The following IL1RAP variants were observed in gnomAD, a reference collection of about 807,000 sequenced individuals.
IL1RAP encodes the protein interleukin-1 receptor accessory protein.
In IL1RAP, 35 loss-of-function variants were observed where a neutral mutation model predicts 60.7. The observed-to-expected ratio is 0.58, with a 90% CI of 0.44 to 0.76. IL1RAP has a LOEUF of 0.76. Ranked by LOEUF, IL1RAP falls within the 30% of genes least tolerant of loss-of-function variation. The probability of loss-of-function intolerance (pLI) is 0.00; values close to 1 mark genes in which losing one functional copy is unlikely to be tolerated. For missense variants in IL1RAP, 572 were observed against 693.9 expected (o/e 0.82, Z 1.97); for synonymous variants, 268 against 250.9 (o/e 1.07, Z -0.64).
intron 1 of IL1RAP, among the ~76,000 whole-genome samples, chr3:190,538,201 G>A (rs180823748): frequency 1.3e-5 from 2 of 152,222 alleles, no homozygotes; most frequent in East Asian, 3.9e-4. Flanking sequence ...GCCTTACACT[G>A]TTGCTTCTCA....
intron 2 of IL1RAP, among the ~76,000 whole-genome samples, chr3:190,557,339 C>T (rs1221306441): frequency 2.0e-5 from 3 of 152,156 alleles, no homozygotes; most frequent in Non-Finnish European, 4.4e-5. Flanking sequence ...GAGCATGTTG[C>T]TATTCAAAAT....
intron 1 of IL1RAP, among the ~76,000 whole-genome samples, chr3:190,527,411 T>C (rs1389351776): frequency 1.3e-5 from 2 of 152,234 alleles, no homozygotes; most frequent in Non-Finnish European, 1.5e-5. Flanking sequence ...GCTGTGGTGA[T>C]AAAATCAAAT....
chr3:190,591,211 C>T (rs1037529573), intron 3 of IL1RAP, among the ~76,000 whole-genome samples: 4 of 152,204 alleles, frequency 2.6e-5, no homozygotes, highest in Non-Finnish European at 5.9e-5. Context: ...GACCAGCTCT[C>T]CGCTAAACAC....
At chr3:190,529,125 A>T (rs1345426291) in intron 1 of IL1RAP, among the ~76,000 whole-genome samples, 1 of 152,176 alleles carries the variant, frequency 6.6e-6, no homozygotes, top group Non-Finnish European at 1.5e-5. Flanking sequence ...GGAGCCCCTG[A>T]GTCTCTAGTT....
chr3:190,567,328 G>A (rs926497041), intron 3 of IL1RAP, among the ~76,000 whole-genome samples: 5 of 152,024 alleles, frequency 3.3e-5, no homozygotes, highest in African/African-American at 4.8e-5. Context: ...TTATAATAGC[G>A]ATTCTATAAT....
At chr3:190,655,775 T>C, downstream of IL1RAP, 1 of 758,630 alleles carries the variant, frequency 1.3e-6, no homozygotes. Context: ...AGCACTGAGA[T>C]TCTGTCATCT....
intron 5 of IL1RAP, among the ~76,000 whole-genome samples, chr3:190,610,552 G>T (rs975308828): frequency 6.6e-6 from 1 of 151,884 alleles, no homozygotes; most frequent in Non-Finnish European, 1.5e-5. Context: ...AATTAGAATG[G>T]CTGTAAGAAT....
At chr3:190,567,162 A>G (rs528009600) in intron 3 of IL1RAP, among the ~76,000 whole-genome samples, 1 of 152,186 alleles carries the variant, frequency 6.6e-6, no homozygotes, top group Non-Finnish European at 1.5e-5. Flanking sequence ...AAGTCATACG[A>G]TTCTGACTTC....
Position 190,651,417 on chromosome 3 carries a change from CT to C in IL1RAP, c.*2718del. 2 of 673,840 alleles carry C rather than the reference CT, an allele frequency of 3.0e-6. No homozygotes were observed. Among genetic ancestry groups the C allele is most frequent in the Non-Finnish European group, 1.8e-6 (1 of 545,958 alleles). 41.7% of individuals were successfully genotyped at this position (673,840 alleles called of 1,614,324 possible). ...ATAGGTTTTAATATTTTGAGAGTGTCTTTTTTATTTCATTCATGAACTTTTG... is the reference window on the plus strand; with the variant it reads ...ATAGGTTTTAATATTTTGAGAGTGTCTTTTTATTTCATTCATGAACTTTTG... On this transcript the variant is annotated 3_prime_UTR_variant, in exon 12 of 12. Transcript: ENST00000447382.
intron 2 of IL1RAP, chr3:190,563,993 G>A (rs542067679): frequency 3.8e-5 from 12 of 311,788 alleles, no homozygotes; most frequent in Non-Finnish European, 6.1e-5. Context: ...CCAAAGGATC[G>A]TGGTGATGTT....
chr3:190,553,944 C>T (rs1463787418), intron 1 of IL1RAP, among the ~76,000 whole-genome samples: 1 of 150,532 alleles, frequency 6.6e-6, no homozygotes, highest in African/African-American at 2.4e-5. Flanking sequence ...GCCTGTAGTC[C>T]CAGCTACTCG....
intron 5 of IL1RAP, among the ~76,000 whole-genome samples, chr3:190,614,896 C>T (rs4140710): frequency 0.68 from 103,766 of 151,922 alleles, 35,952 homozygotes; most frequent in East Asian, 0.83. Flanking sequence ...TGGACTGGAC[C>T]GTGGGACGTA....
At chr3:190,516,566 T>C (rs1721538490) in intron 1 of IL1RAP, among the ~76,000 whole-genome samples, 1 of 152,192 alleles carries the variant, frequency 6.6e-6, no homozygotes, top group Non-Finnish European at 1.5e-5. Flanking sequence ...TTACTCACAA[T>C]AGCCCTGGGA....
intron 10 of IL1RAP, 47 bp from the exon 11 acceptor site, chr3:190,645,651 AT>A: frequency 1.4e-6 from 2 of 1,445,850 alleles, no homozygotes; most frequent in Non-Finnish European, 9.6e-7. Context: ...ATGTAATGGT[AT>A]TGAGAAACTT....
Position 190,650,295 on chromosome 3 carries a change from GC to G in IL1RAP, c.*1591del, listed in dbSNP as rs1734318443. The G allele has an allele frequency of 4.1e-6, 4 of 985,014 alleles. No homozygotes were observed. In the South Asian group the frequency reaches 1.4e-4, roughly 35 times the overall value. The allele number at this position is 985,014 out of a possible 1,614,324, so 61.0% of individuals were successfully genotyped here. On this transcript the variant is annotated 3_prime_UTR_variant, in exon 12 of 12. Transcript: ENST00000447382. ...AGTTTATATAAATAACTTAAGTATT[GC>G]TACAGTTTATCTAGGTTGCAGTGGC...
At chr3:190,564,258 A>G (rs1470836586) in intron 2 of IL1RAP, 31 bp from the exon 3 acceptor site, 4 of 1,451,780 alleles carry the variant, frequency 2.8e-6, no homozygotes, top group Non-Finnish European at 3.9e-6. Context: ...GTAGTAAGTG[A>G]TTTCCCTTAC....
chr3:190,537,288 A>G (rs1723547244), intron 1 of IL1RAP, among the ~76,000 whole-genome samples: 1 of 152,070 alleles, frequency 6.6e-6, no homozygotes, highest in African/African-American at 2.4e-5. Context: ...AACCTGCTTG[A>G]GTTTCCTAGG....
At position 190,616,584 on chromosome 3, in the gene IL1RAP, G is replaced by A. The variant is rs149112674; in HGVS notation, c.538-3691G>A. Reference sequence around the variant, plus strand: ...TCTAAGACTTCATAGCAAAGTATGTGTTTTATACCAACTTTATCTTGAATG... The same window carrying A: ...TCTAAGACTTCATAGCAAAGTATGTATTTTATACCAACTTTATCTTGAATG... On this transcript the variant is annotated intron_variant, in intron 5 of 11. Coordinates refer to ENST00000447382, the MANE Select transcript of IL1RAP (RefSeq NM_002182.4). 2.3e-3 allele frequency among the ~76,000 whole-genome samples: 343 copies of A among 152,234 alleles called. 2 individuals are homozygous for A. The highest frequency in any genetic ancestry group is 7.2e-3 in the African/African-American group (300 of 41,534).
intron 1 of IL1RAP, among the ~76,000 whole-genome samples, chr3:190,555,033 G>A (rs1725282165): frequency 6.6e-6 from 1 of 152,162 alleles, no homozygotes. Context: ...CTCATAGACA[G>A]GATCGTGATC....
Sources: allele counts gnomAD v4.1 joint callset (sites outside exome capture counted in the v4.1 genomes callset), GRCh38; gene constraint gnomAD v4.1.1; transcripts MANE v1.5; gene names NCBI Gene and HGNC (gene_info 2026-07-23, HGNC 2026-07-21).